The following PPIL6 variants were observed in gnomAD, a reference collection of about 807,000 sequenced individuals.
PPIL6 encodes the protein peptidylprolyl isomerase like 6.
In PPIL6, 39 loss-of-function variants were observed where a neutral mutation model predicts 36.8. The observed-to-expected ratio is 1.06, with a 90% CI of 0.82 to 1.38. PPIL6 has a LOEUF of 1.38. Ranked by LOEUF, PPIL6 falls within the 40% of genes most tolerant of loss-of-function variation. PPIL6 has a pLI of 0.00. For missense variants in PPIL6, 368 were observed against 379.1 expected (o/e 0.97, Z 0.24); for synonymous variants, 123 against 134.1 (o/e 0.92, Z 0.57).
At chr6:109,403,199 C>G in intron 6 of PPIL6, 1 of 897,654 alleles carries the variant, frequency 1.1e-6, no homozygotes, top group Non-Finnish European at 1.6e-6. Context: ...GTCTTGAACT[C>G]CTGGGCTCAA....
rs75959350 is a variant in PPIL6 at position 109,420,740 on chromosome 6, T to C, written c.632-1497A>G. Among the ~76,000 whole-genome samples the C allele has an allele frequency of 2.7e-3, 409 of 152,346 alleles. 1 individual carries two copies. The highest frequency in any genetic ancestry group is 9.5e-3 in the African/African-American group (393 of 41,580). On this transcript the variant is annotated intron_variant, in intron 5 of 7. Transcript: ENST00000521072. ...ATAAATATTTATTGAAGGACTATGC[T>C]TTTTAAAGTCAGTATGAGCAATTTA...
At chr6:109,429,923 TTCCCAGC>T (rs1774040886) in intron 3 of PPIL6, among the ~76,000 whole-genome samples, 1 of 152,228 alleles carries the variant, frequency 6.6e-6, no homozygotes, top group African/African-American at 2.4e-5. Context: ...GAAACTCATC[TTCCCAGC>T]TTCTTTCCCC....
chr6:109,404,056 G>A (rs1430429067), intron 6 of PPIL6, among the ~76,000 whole-genome samples: 1 of 152,056 alleles, frequency 6.6e-6, no homozygotes, highest in East Asian at 1.9e-4. Context: ...TTCTAATTTT[G>A]TCCTACCAGA....
At chr6:109,399,512 C>T (rs2115198501) in intron 7 of PPIL6, among the ~76,000 whole-genome samples, 2 of 152,318 alleles carry the variant, frequency 1.3e-5, no homozygotes, top group South Asian at 2.1e-4. Context: ...ATGTGATTCT[C>T]CTGCCTCAGC....
intron 1 of PPIL6, 62 bp from the exon 2 acceptor site, chr6:109,436,261 T>C: frequency 9.8e-7 from 1 of 1,023,464 alleles, no homozygotes; most frequent in Admixed American, 1.9e-5. Context: ...AAAATCATGT[T>C]CCCCAATTTT....
rs891220070 is a variant in PPIL6 at position 109,392,381 on chromosome 6, G to A, written c.*445C>T. ...GACAGGGTTTCACCATGTTGGCCAG[G>A]ATGGTCTCAATCTCTTGATCTTGTG... On this transcript the variant is annotated 3_prime_UTR_variant, in exon 8 of 8. Coordinates refer to ENST00000521072, the MANE Select transcript of PPIL6 (RefSeq NM_173672.5). The A allele has an allele frequency of 6.5e-6, 1 of 154,276 alleles. No homozygotes were observed. The highest frequency in any genetic ancestry group is 1.4e-5 in the Non-Finnish European group (1 of 69,572). The allele number at this position is 154,276 out of a possible 1,614,324, so 9.6% of individuals were successfully genotyped here.
chr6:109,401,907 T>C (rs978198644), intron 6 of PPIL6, among the ~76,000 whole-genome samples: 3 of 151,904 alleles, frequency 2.0e-5, no homozygotes, highest in African/African-American at 7.2e-5. Flanking sequence ...GTATTTTTAG[T>C]GGAAACAGGG....
intron 6 of PPIL6, chr6:109,418,354 G>C (rs1178216165): frequency 6.6e-6 from 1 of 152,534 alleles, no homozygotes; most frequent in Non-Finnish European, 1.5e-5. Flanking sequence ...TGGCTACTTA[G>C]GGGATCCTAA....
chr6:109,411,294 T>G (rs1773002851), intron 6 of PPIL6, among the ~76,000 whole-genome samples: 1 of 152,198 alleles, frequency 6.6e-6, no homozygotes, highest in Admixed American at 6.5e-5. Flanking sequence ...TGAACTTGAC[T>G]CAATCCCTAG....
intron 6 of PPIL6, among the ~76,000 whole-genome samples, chr6:109,412,770 A>T (rs1018167964): frequency 3.9e-5 from 6 of 152,226 alleles, no homozygotes; most frequent in Non-Finnish European, 5.9e-5. Context: ...TAAGCCCTCA[A>T]ACTATGAAAC....
intron 6 of PPIL6, among the ~76,000 whole-genome samples, chr6:109,411,835 G>A (rs1773026237): frequency 6.6e-6 from 1 of 152,178 alleles, no homozygotes; most frequent in Non-Finnish European, 1.5e-5. Context: ...TCCAGTGCTA[G>A]GCAGGGCCTA....
Position 109,390,673 on chromosome 6 carries a change from A to C in PPIL6, c.*2153T>G, listed in dbSNP as rs889563368. 1.3e-5 allele frequency: 2 copies of C among 152,224 alleles called. 1 individual carries two copies. Among genetic ancestry groups the C allele is most frequent in the Non-Finnish European group, 2.9e-5 (2 of 68,058 alleles). 9.4% of individuals were successfully genotyped at this position (152,224 alleles called of 1,614,324 possible). A position where few individuals can be genotyped will look rare whatever the true frequency, so the allele number is the denominator to read the frequency against. Reference sequence around the variant, plus strand: ...GTCTTTGAGGTGCTGGAAAGGTTCTATATTTTCTCTATAGTGTTGGTTACA... The same window carrying C: ...GTCTTTGAGGTGCTGGAAAGGTTCTCTATTTTCTCTATAGTGTTGGTTACA... On this transcript the variant is annotated 3_prime_UTR_variant, in exon 8 of 8. Coordinates refer to ENST00000521072, the MANE Select transcript of PPIL6 (RefSeq NM_173672.5).
At chr6:109,419,368 C>G in intron 5 of PPIL6, 125 bp from the exon 6 acceptor site, 1 of 636,902 alleles carries the variant, frequency 1.6e-6, no homozygotes. Flanking sequence ...ATCACTGGAG[C>G]CCAGGAGTTT....
intron 3 of PPIL6, among the ~76,000 whole-genome samples, chr6:109,429,222 TC>T (rs1484627688): frequency 5.3e-5 from 8 of 152,340 alleles, no homozygotes; most frequent in Admixed American, 3.3e-4. Context: ...TTTCATTATG[TC>T]CAGCCCATGC....
chr6:109,400,071 G>A lies in PPIL6; in HGVS notation c.788C>T (p.Ala263Val). 6.2e-7 allele frequency: 1 copy of A among 1,613,444 alleles called. No individual in the cohort carries two copies. Residue 263 changes from alanine to valine, a missense_variant, in exon 7 of 8, where the codon GCA (alanine) becomes GTA (valine). By Grantham distance (64) the Ala-to-Val change is moderately conservative (BLOSUM62 0). Coordinates refer to ENST00000521072, the MANE Select transcript of PPIL6 (RefSeq NM_173672.5). ...AAATTTTCTATCTAGATAAGGAGTT[G>A]CTTGCAGTGTGATATAGAATTGTGA... is the stretch of plus-strand genomic sequence containing the variant. ...NGSQFYITLQ[A>V]TPYLDRKFVA...
rs1461721274 is a variant in PPIL6, at chr6:109,440,501, C to G, written c.90G>C (p.Gly30=). 3 of 1,535,078 alleles carry G rather than the reference C, an allele frequency of 2.0e-6. No individual in the cohort carries two copies. Among genetic ancestry groups the G allele is most frequent in the South Asian group, 2.4e-5 (2 of 82,644 alleles). ...TCTGAAAGTTGGGGCAGCTGAAGAG[C>G]CCCACCACCTTCACCTGCAGCGGCC... The part of the protein sequence containing the change: ...PERPLQVKVV[G]LFSCPNFQIA... Residue 30 remains glycine, a synonymous_variant, in exon 1 of 8, where the codon GGG becomes GGC. Coordinates refer to ENST00000521072, the MANE Select transcript of PPIL6 (RefSeq NM_173672.5).
intron 7 of PPIL6, among the ~76,000 whole-genome samples, chr6:109,394,436 C>T (rs1489609323): frequency 2.0e-5 from 3 of 150,058 alleles, no homozygotes; most frequent in African/African-American, 7.4e-5. Flanking sequence ...TGGCCATGAG[C>T]TAGAACTTCC....
At chr6:109,419,032 T>C (rs544190158) in intron 6 of PPIL6, among the ~76,000 whole-genome samples, 155 bp downstream of exon 6, 1 of 152,310 alleles carries the variant, frequency 6.6e-6, no homozygotes, top group East Asian at 1.9e-4. Flanking sequence ...GGTCGGGCCT[T>C]AGGGCGCTTC....
At chr6:109,436,779 A>G (rs1774473134) in intron 1 of PPIL6, among the ~76,000 whole-genome samples, 1 of 152,094 alleles carries the variant, frequency 6.6e-6, no homozygotes, top group Non-Finnish European at 1.5e-5. Flanking sequence ...TAGTATTCCT[A>G]TATTCCCACC....
Sources: allele counts gnomAD v4.1 joint callset (sites outside exome capture counted in the v4.1 genomes callset), GRCh38; gene constraint gnomAD v4.1.1; transcripts MANE v1.5; gene names NCBI Gene and HGNC (gene_info 2026-07-23, HGNC 2026-07-21).